Variants in ITSN2 observed in about 807,000 individuals in gnomAD.
The protein encoded by ITSN2 is intersectin 2.
A neutral mutation model predicts 243.7 loss-of-function variants in ITSN2; 156 were observed. The ratio of observed to expected loss-of-function variants is 0.64; its 90% CI spans 0.56 to 0.73. The LOEUF is 0.73. Among genes scored for constraint, ITSN2 ranks in the 30% least tolerant of loss-of-function variants. ITSN2 has a pLI of 0.00. For synonymous variants in ITSN2, 703 were observed against 699.9 expected (o/e 1.00, Z -0.07); for missense variants, 1,801 against 1,996.1 (o/e 0.90, Z 1.86).
chr2:24,275,880 T>C lies in ITSN2; in HGVS notation c.1945-31A>G, dbSNP rs1361183032. ...GAGAAAAAGAAAATAAGTCAATACG[T>C]GAATGATTTAAATATGCTTGTCATA... On this transcript the variant is annotated intron_variant, in intron 17 of 39. Transcript: ENST00000355123. 6 of 1,535,220 alleles carry C rather than the reference T, an allele frequency of 3.9e-6. No homozygotes were observed. In the Admixed American group the frequency reaches 9.6e-5, roughly 25 times the overall value.
In ITSN2 at chr2:24,314,073, G is replaced by T. The variant is rs551715039; in HGVS notation, c.125-550C>A. Among the ~76,000 whole-genome samples the T allele has an allele frequency of 8.5e-5, 13 of 152,084 alleles. No individual in the cohort carries two copies. In the South Asian group the frequency reaches 2.7e-3, roughly 32 times the overall value. ...TTTACTGCTTGCTACAAAAGGGTGG[G>T]TTCCCCAAATTCAGTGTTCCTCTCC... On this transcript the variant is annotated intron_variant, in intron 3 of 39. Transcript: ENST00000355123.
chr2:24,343,238 A>T (rs1327397384), intron 1 of ITSN2, among the ~76,000 whole-genome samples: 2 of 152,106 alleles, frequency 1.3e-5, no homozygotes, highest in African/African-American at 2.4e-5. Context: ...AACATTAAAA[A>T]ATATATATAT....
At chr2:24,236,963 T>C (rs1471624121) in intron 29 of ITSN2, among the ~76,000 whole-genome samples, 1 of 151,930 alleles carries the variant, frequency 6.6e-6, no homozygotes, top group Non-Finnish European at 1.5e-5. Flanking sequence ...TCAAAAGTGC[T>C]GGGATTACAG....
chr2:24,299,361 A>G (rs1681436826), intron 12 of ITSN2, among the ~76,000 whole-genome samples: 1 of 152,074 alleles, frequency 6.6e-6, no homozygotes, highest in African/African-American at 2.4e-5. Context: ...TGGGGGAAAA[A>G]TTCTATTTAT....
At chr2:24,303,201 A>G (rs947103722) in intron 9 of ITSN2, among the ~76,000 whole-genome samples, 1 of 152,198 alleles carries the variant, frequency 6.6e-6, no homozygotes, top group African/African-American at 2.4e-5. Flanking sequence ...AGACAGCCTC[A>G]GGCAGGTCAG....
intron 15 of ITSN2, among the ~76,000 whole-genome samples, chr2:24,291,634 C>T (rs1354668027): frequency 6.6e-6 from 1 of 151,980 alleles, no homozygotes; most frequent in South Asian, 2.1e-4. Flanking sequence ...GGACTACAGG[C>T]GTGCGCCACC....
chr2:24,292,344 A>C (rs1477618431), intron 15 of ITSN2, among the ~76,000 whole-genome samples: 1 of 152,188 alleles, frequency 6.6e-6, no homozygotes, highest in Non-Finnish European at 1.5e-5. Flanking sequence ...GACAATAATA[A>C]AGATATATTT....
intron 23 of ITSN2, among the ~76,000 whole-genome samples, chr2:24,257,426 T>C (rs6545374): frequency 0.98 from 148,816 of 152,178 alleles, 72,762 homozygotes; most frequent in East Asian, 0.99. Flanking sequence ...ATACCTGAGG[T>C]ATGCTTTTTT....
chr2:24,221,123 GAC>G, intron 29 of ITSN2, 57 bp from the exon 30 acceptor site: 1 of 1,547,470 alleles, frequency 6.5e-7, no homozygotes, highest in Non-Finnish European at 8.7e-7. Flanking sequence ...GTAGAAAATA[GAC>G]ATTTGTCAGC....
chr2:24,255,145 C>T (rs1019748067), intron 23 of ITSN2, among the ~76,000 whole-genome samples: 1 of 152,196 alleles, frequency 6.6e-6, no homozygotes, highest in African/African-American at 2.4e-5. Context: ...TAACTGAATG[C>T]ATAGTTAGAA....
chr2:24,270,489 A>AG (rs1257858743), intron 20 of ITSN2, among the ~76,000 whole-genome samples, 182 bp downstream of exon 20: 7 of 152,252 alleles, frequency 4.6e-5, no homozygotes, highest in African/African-American at 1.7e-4. Flanking sequence ...GCTAGAACTT[A>AG]GTTAGTAATA....
chr2:24,203,951 G>C, intron 39 of ITSN2, 168 bp from the exon 40 acceptor site: 1 of 690,302 alleles, frequency 1.4e-6, no homozygotes, highest in Non-Finnish European at 2.4e-6. Flanking sequence ...ATGATGGCAG[G>C]TTTGTGTGTG....
chr2:24,301,840 T>G (rs1317104491), intron 10 of ITSN2, 125 bp downstream of exon 10: 1 of 933,198 alleles, frequency 1.1e-6, no homozygotes, highest in African/African-American at 1.7e-5. Flanking sequence ...ACTTCTAATA[T>G]GTACCCTTTT....
At chr2:24,297,459 A>G (rs1681114257) in intron 13 of ITSN2, among the ~76,000 whole-genome samples, 1 of 152,224 alleles carries the variant, frequency 6.6e-6, no homozygotes, top group African/African-American at 2.4e-5. Flanking sequence ...GGCCAGTATT[A>G]GCTAAGAACT....
intron 29 of ITSN2, among the ~76,000 whole-genome samples, chr2:24,223,702 A>T (rs1373806246): frequency 6.9e-6 from 1 of 144,668 alleles, no homozygotes; most frequent in Admixed American, 6.9e-5. Context: ...AAAAAAAAGG[A>T]AAAGAAAGGA....
At chr2:24,300,937 G>C (rs1681643984) in intron 11 of ITSN2, among the ~76,000 whole-genome samples, 1 of 152,148 alleles carries the variant, frequency 6.6e-6, no homozygotes, top group Admixed American at 6.5e-5. Context: ...CTATAATCCT[G>C]TCAAATACAT....
intron 16 of ITSN2, 25 bp from the exon 17 acceptor site, chr2:24,284,868 C>A (rs1273384786): frequency 4.3e-6 from 5 of 1,174,430 alleles, no homozygotes; most frequent in Admixed American, 4.1e-5. Context: ...AGATAAAAAG[C>A]CAATTAAACT....
rs1677405240 is a variant in ITSN2 at position 24,271,892 on chromosome 2, C to G, written c.2131G>C (p.Glu711Gln). 1 of 1,248,184 alleles carries G rather than the reference C, an allele frequency of 8.0e-7. No individual in the cohort carries two copies. The highest frequency in any genetic ancestry group is 1.2e-5 in the South Asian group (1 of 81,248). The allele number at this position is 1,248,184 out of a possible 1,614,324, so 77.3% of individuals were successfully genotyped here. A position where few individuals can be genotyped will look rare whatever the true frequency, so the allele number is the denominator to read the frequency against. ...AGTCGCTTTTGTTTTTCTTCTTCCTCCTTTCTAAGATTTTCTTTCCATAAG... is the reference window on the plus strand; with the variant it reads ...AGTCGCTTTTGTTTTTCTTCTTCCTGCTTTCTAAGATTTTCTTTCCATAAG... ...ENLWKENLRK[E>Q]EEEKQKRLQE... Residue 711 changes from glutamate (E) to glutamine (Q), a missense_variant, in exon 19 of 40, where the codon GAG becomes CAG. This residue lies in a region of ITSN2 where 787 missense variants were observed against 803.9 expected (regional missense o/e 0.98). Coordinates refer to ENST00000355123, the MANE Select transcript of ITSN2 (RefSeq NM_006277.3).
chr2:24,344,072 C>T (rs554092517), intron 1 of ITSN2, among the ~76,000 whole-genome samples: 20 of 152,208 alleles, frequency 1.3e-4, no homozygotes, highest in Non-Finnish European at 1.6e-4. Context: ...TTATGCTAGC[C>T]AATTAATATT....
Sources: allele counts gnomAD v4.1 joint callset (sites outside exome capture counted in the v4.1 genomes callset), GRCh38; gene constraint gnomAD v4.1.1; regional missense constraint gnomAD v4.1.1; transcripts MANE v1.5; gene names NCBI Gene and HGNC (gene_info 2026-07-23, HGNC 2026-07-21).